KCNQ5: variants seen among roughly 807,000 people sequenced by gnomAD.
KCNQ5 encodes potassium voltage-gated channel subfamily Q member 5, also known as potassium voltage-gated channel subfamily KQT member 5.
Under a neutral mutation model 98.2 loss-of-function variants are expected in KCNQ5, and 30 were observed. The ratio of observed to expected loss-of-function variants is 0.31; its 90% CI spans 0.23 to 0.41. The LOEUF (loss-of-function observed/expected upper bound fraction) is 0.41, where lower values mean the gene tolerates loss of function less well. Ranked by LOEUF, KCNQ5 falls within the 10% of genes least tolerant of loss-of-function variation. KCNQ5 has a pLI of 1.00. For missense variants in KCNQ5, 835 were observed against 1,182.5 expected, an observed-to-expected ratio of 0.71 and a Z score of 4.31; for synonymous variants, 458 against 449.4, an observed-to-expected ratio of 1.02 and a Z score of -0.24.
In KCNQ5 at chr6:72,663,427, T is replaced by G. The variant is rs185028570; in HGVS notation, c.398+40840T>G. Among the ~76,000 whole-genome samples the G allele has an allele frequency of 4.2e-4, 64 of 152,308 alleles. 1 individual carries two copies. The East Asian group carries it at 9.2e-3, about 22-fold the overall frequency. On this transcript the variant is annotated intron_variant, in intron 1 of 13. Coordinates refer to ENST00000370398, the MANE Select transcript of KCNQ5 (RefSeq NM_019842.4). ...ACAAGGTTGACTGAGACTAAACTAG[T>G]CTTCCTAAGAGTGAGTACACCAAAA... is the stretch of plus-strand genomic sequence containing the variant.
chr6:72,994,679 C>T (rs1769203682), intron 1 of KCNQ5, among the ~76,000 whole-genome samples: 1 of 152,016 alleles, frequency 6.6e-6, no homozygotes, highest in African/African-American at 2.4e-5. Flanking sequence ...CATCTTGGCT[C>T]CTCCTCCCAT....
chr6:72,630,347 C>G (rs1457746102), intron 1 of KCNQ5: 6 of 152,092 alleles, frequency 3.9e-5, no homozygotes, highest in African/African-American at 7.2e-5. Context: ...TGAGGTAATT[C>G]TAGAATCCCT....
intron 1 of KCNQ5, among the ~76,000 whole-genome samples, chr6:72,951,615 AGATAT>A (rs904276709): frequency 6.6e-6 from 1 of 152,116 alleles, no homozygotes; most frequent in African/African-American, 2.4e-5. Context: ...TAATACAAAA[AGATAT>A]GTCCTCCCCT....
chr6:72,951,531 C>G (rs911212421), intron 1 of KCNQ5, among the ~76,000 whole-genome samples: 1 of 151,750 alleles, frequency 6.6e-6, no homozygotes, highest in Non-Finnish European at 1.5e-5. Flanking sequence ...TGATCCACCC[C>G]CTTGGCCTCC....
intron 1 of KCNQ5, among the ~76,000 whole-genome samples, chr6:72,637,912 C>T (rs2098925132): frequency 6.6e-6 from 1 of 152,140 alleles, no homozygotes; most frequent in African/African-American, 2.4e-5. Context: ...TTCAAATTTG[C>T]CTTCAAGTAT....
At chr6:73,035,442 C>T (rs113662184) in intron 2 of KCNQ5, among the ~76,000 whole-genome samples, 2 of 152,126 alleles carry the variant, frequency 1.3e-5, no homozygotes, top group South Asian at 2.1e-4. Context: ...TCTTTAGCTG[C>T]CATTTCAGTA....
At chr6:73,111,212 G>A in intron 6 of KCNQ5, 96 bp from the exon 7 acceptor site, 2 of 804,892 alleles carry the variant, frequency 2.5e-6, no homozygotes, top group Non-Finnish European at 4.2e-6. Flanking sequence ...CATACCGTTT[G>A]TCTTCTCTCA....
intron 5 of KCNQ5, 122 bp from the exon 6 acceptor site, chr6:73,105,135 A>G: frequency 1.8e-6 from 1 of 549,956 alleles, no homozygotes; most frequent in Non-Finnish European, 3.3e-6. Context: ...GCACAGTAAT[A>G]AAAAGCACGA....
intron 9 of KCNQ5, among the ~76,000 whole-genome samples, chr6:73,124,966 T>C (rs867845200): frequency 2.5e-4 from 5 of 20,126 alleles, no homozygotes; most frequent in African/African-American, 4.4e-4. Context: ...TATATATATA[T>C]ATATATATAT....
intron 1 of KCNQ5, among the ~76,000 whole-genome samples, chr6:72,818,175 A>G (rs1275080499): frequency 2.0e-5 from 3 of 152,218 alleles, no homozygotes; most frequent in African/African-American, 7.2e-5. Flanking sequence ...GCATTCACAC[A>G]TACTTATTTA....
rs546929478 is a variant in KCNQ5, at chr6:73,152,495, C to T, written c.1469-17251C>T. On this transcript the variant is annotated intron_variant, in intron 10 of 13. Coordinates refer to ENST00000370398, the MANE Select transcript of KCNQ5 (RefSeq NM_019842.4). ...CTAAGGGTTCTTTTATTTTAGTATC[C>T]TATTTTTGTTGCATGGATAGAGTAT... is the stretch of plus-strand genomic sequence containing the variant. Among the ~76,000 whole-genome samples the T allele has an allele frequency of 3.8e-3, 576 of 152,030 alleles. 4 individuals carry two copies. The highest frequency in any genetic ancestry group is 0.024 in the South Asian group (117 of 4,818).
chr6:73,010,953 C>G (rs1328637131), intron 2 of KCNQ5, among the ~76,000 whole-genome samples: 2 of 152,030 alleles, frequency 1.3e-5, no homozygotes, highest in Non-Finnish European at 2.9e-5. Context: ...AAGTGATCTA[C>G]AGATTCAATG....
chr6:73,133,302 G>A lies in KCNQ5; in HGVS notation c.1248-119G>A, dbSNP rs530401840. The A allele has an allele frequency of 1.0e-4, 82 of 795,738 alleles. 1 individual carries two copies. Among genetic ancestry groups the A allele is most frequent in the South Asian group, 3.6e-4 (20 of 55,302 alleles). 49.3% of individuals were successfully genotyped at this position (795,738 alleles called of 1,614,324 possible). On this transcript the variant is annotated intron_variant, in intron 9 of 13. Transcript: ENST00000370398. Reference sequence around the variant, plus strand: ...GGAAAAATAATTGCTATGCTCCTACGTGCTGAAAACATCTTGTCTATTGAA... The same window carrying A: ...GGAAAAATAATTGCTATGCTCCTACATGCTGAAAACATCTTGTCTATTGAA...
chr6:72,673,466 CT>C (rs1767244334), intron 1 of KCNQ5, among the ~76,000 whole-genome samples: 1 of 152,058 alleles, frequency 6.6e-6, no homozygotes, highest in Non-Finnish European at 1.5e-5. Flanking sequence ...ACAGAACATA[CT>C]TCTTTCCAAG....
rs548728518 is a variant in KCNQ5 at position 72,912,425 on chromosome 6, G to C, written c.399-91483G>C. On this transcript the variant is annotated intron_variant, in intron 1 of 13. Transcript: ENST00000370398. Reference sequence around the variant, plus strand: ...TCCTTGCTTAGTGTCAGAGCTGTTTGTGATTTACCAGCACTGACAACTACT... The same window carrying C: ...TCCTTGCTTAGTGTCAGAGCTGTTTCTGATTTACCAGCACTGACAACTACT... Among the ~76,000 whole-genome samples the C allele has an allele frequency of 2.0e-5, 3 of 152,270 alleles. No individual in the cohort carries two copies. The East Asian group carries it at 5.8e-4, about 29-fold the overall frequency.
intron 1 of KCNQ5, among the ~76,000 whole-genome samples, chr6:72,632,619 C>T (rs2098921645): frequency 6.6e-6 from 1 of 152,172 alleles, no homozygotes; most frequent in African/African-American, 2.4e-5. Flanking sequence ...ATATTGTTCC[C>T]ATGTTTACAT....
In KCNQ5 at chr6:72,978,001, G is replaced by T. The variant is rs554289026; in HGVS notation, c.399-25907G>T. Among the ~76,000 whole-genome samples, 10 of 152,262 alleles carry T rather than the reference G, an allele frequency of 6.6e-5. No individual in the cohort carries two copies. The East Asian group carries it at 1.9e-3, about 29-fold the overall frequency. On this transcript the variant is annotated intron_variant, in intron 1 of 13. Transcript: ENST00000370398. ...TCCTATTCTTGATACTAGAAATAAA[G>T]TAGTTAATAAGATACACAAGTTTTC...
chr6:72,829,644 C>T (rs2150122122), intron 1 of KCNQ5, among the ~76,000 whole-genome samples: 1 of 152,230 alleles, frequency 6.6e-6, no homozygotes, highest in South Asian at 2.1e-4. Flanking sequence ...TAATTTGCCA[C>T]ATGTATTATT....
At chr6:72,724,594 C>T (rs1437812675) in intron 1 of KCNQ5, among the ~76,000 whole-genome samples, 1 of 152,112 alleles carries the variant, frequency 6.6e-6, no homozygotes, top group Non-Finnish European at 1.5e-5. Flanking sequence ...CACACACACA[C>T]CACATGTGAA....
Sources: gnomAD v4.1 joint callset for allele counts (sites outside exome capture counted in the v4.1 genomes callset) on GRCh38, gnomAD v4.1.1 for gene constraint, MANE v1.5 for transcripts, NCBI Gene and HGNC (gene_info 2026-07-23, HGNC 2026-07-21) for gene names.